The following KANK1 variants were observed in gnomAD, a reference collection of about 807,000 sequenced individuals.
The protein encoded by KANK1 is KN motif and ankyrin repeat domain-containing protein 1.
In KANK1, 109 loss-of-function variants were observed where a neutral mutation model predicts 106.2. The observed-to-expected ratio is 1.03, with a 90% CI of 0.88 to 1.20. KANK1 has a LOEUF of 1.20. KANK1 is among the 50% of genes most tolerant of loss of function. The pLI, the probability that KANK1 is intolerant of heterozygous loss-of-function variation, is 0.00. For missense variants in KANK1, 2,399 were observed against 1,710.7 expected, an observed-to-expected ratio of 1.40 and a Z score of -7.10; for synonymous variants, 873 against 652.2, an observed-to-expected ratio of 1.34 and a Z score of -5.16.
chr9:586,307 T>G (rs1007449872), intron 1 of KANK1, among the ~76,000 whole-genome samples: 1 of 152,202 alleles, frequency 6.6e-6, no homozygotes, highest in Non-Finnish European at 1.5e-5. Context: ...CCAGGCCTAT[T>G]CAAGGTTACA....
At chr9:497,239 C>G (rs1162504214) in intron 3 of KANK1, among the ~76,000 whole-genome samples, 1 of 152,110 alleles carries the variant, frequency 6.6e-6, no homozygotes, top group Non-Finnish European at 1.5e-5. Context: ...AAAGAAGACT[C>G]CTTAAGGGCA....
Position 712,499 on chromosome 9 carries a change from A to G in KANK1, c.1733A>G (p.His578Arg). The G allele has an allele frequency of 1.2e-6, 2 of 1,614,200 alleles. No individual in the cohort carries two copies. Among genetic ancestry groups the G allele is most frequent in the Non-Finnish European group, 1.7e-6 (2 of 1,180,044 alleles). The change falls in exon 3 of 12, where the codon CAT becomes CGT. Residue 578 changes from histidine (H) to arginine (R), a missense_variant. By Grantham distance (29) the His-to-Arg change is conservative. Transcript: ENST00000382297. ...WWIVKERVEM[H>R]DRCAGRSVEM... is the part of the protein sequence containing the mutation. ...ATTGTTAAGGAGAGGGTGGAAATGC[A>G]TGACCGATGTGCTGGGAGGTCTGTG... is the stretch of plus-strand genomic sequence containing the variant.
At chr9:718,902 C>T (rs1042855034) in intron 3 of KANK1, among the ~76,000 whole-genome samples, 1 of 151,004 alleles carries the variant, frequency 6.6e-6, no homozygotes, top group African/African-American at 2.4e-5. Context: ...TCTCTACTGC[C>T]TGTTCCCCAA....
intron 1 of KANK1, among the ~76,000 whole-genome samples, chr9:666,853 T>A (rs910301085): frequency 5.9e-5 from 9 of 151,840 alleles, no homozygotes; most frequent in African/African-American, 1.7e-4. Flanking sequence ...TATTTTTTGT[T>A]GAGGATTTTT....
chr9:490,700 G>T (rs73386743), intron 3 of KANK1, among the ~76,000 whole-genome samples: 2,915 of 152,184 alleles, frequency 0.019, 109 homozygotes, highest in African/African-American at 0.065. Flanking sequence ...GCAAAAATAC[G>T]TTAAGCTCCC....
chr9:546,198 C>T (rs10758683), intron 1 of KANK1, among the ~76,000 whole-genome samples: 40,612 of 151,984 alleles, frequency 0.27, 6,473 homozygotes, highest in East Asian at 0.46. Flanking sequence ...ACCTTCCATG[C>T]GTGGTGGCCT....
intron 1 of KANK1, among the ~76,000 whole-genome samples, chr9:629,195 A>G (rs908814943): frequency 3.9e-5 from 6 of 151,978 alleles, no homozygotes; most frequent in African/African-American, 1.5e-4. Context: ...TTTTGTCATG[A>G]GAGTTGCTCC....
chr9:712,124 A>T lies in KANK1; in HGVS notation c.1358A>T (p.Lys453Ile). The T allele has an allele frequency of 1.2e-6, 2 of 1,614,132 alleles. No individual in the cohort carries two copies. Among genetic ancestry groups the T allele is most frequent in the Non-Finnish European group, 1.7e-6 (2 of 1,180,020 alleles). The change falls in exon 3 of 12, where the codon AAA (lysine) becomes ATA (isoleucine). Residue 453 changes from lysine to isoleucine, a missense_variant. Physicochemically the swap from Lys to Ile is moderately radical, Grantham distance 102. Transcript: ENST00000382297. ...AMLGVMTEAD[K>I]EIELQQQTIE... ...CTTGGAGTGATGACTGAAGCTGACAAAGAAATTGAGCTGCAACAGCAGACC... is the reference window on the plus strand; with the variant it reads ...CTTGGAGTGATGACTGAAGCTGACATAGAAATTGAGCTGCAACAGCAGACC...
At position 526,787 on chromosome 9, in the gene KANK1, G is replaced by C. The variant is rs115219051; in HGVS notation, c.-84+22033G>C. On this transcript the variant is annotated intron_variant, in intron 1 of 11. Transcript: ENST00000382297. Reference sequence around the variant, plus strand: ...CTGCTTTAGATCTGTGAAAATGACTGTATCTTGAGAAAGCATGCTTATCAT... The same window carrying C: ...CTGCTTTAGATCTGTGAAAATGACTCTATCTTGAGAAAGCATGCTTATCAT... 5.5e-3 allele frequency among the ~76,000 whole-genome samples: 835 copies of C among 151,648 alleles called. 43 individuals carry two copies. Among genetic ancestry groups the C allele is most frequent in the African/African-American group, 0.019 (797 of 41,052 alleles).
At chr9:533,214 G>A (rs1159945974) in intron 1 of KANK1, among the ~76,000 whole-genome samples, 2 of 152,132 alleles carry the variant, frequency 1.3e-5, no homozygotes, top group African/African-American at 4.8e-5. Context: ...AACCCCAAGG[G>A]CAATTTGGAG....
intron 2 of KANK1, among the ~76,000 whole-genome samples, chr9:697,699 CAAGTAGA>C (rs1320115177): frequency 1.3e-5 from 2 of 152,132 alleles, no homozygotes; most frequent in Non-Finnish European, 2.9e-5. Flanking sequence ...GATGGACTCA[CAAGTAGA>C]TACCTATTCT....
chr9:601,991 A>G (rs1031259141), intron 1 of KANK1, among the ~76,000 whole-genome samples: 2 of 151,888 alleles, frequency 1.3e-5, no homozygotes, highest in African/African-American at 4.9e-5. Flanking sequence ...ACATGGTTGT[A>G]CCAGGTCTGA....
At chr9:566,365 T>C (rs962588339) in intron 1 of KANK1, among the ~76,000 whole-genome samples, 8 of 152,210 alleles carry the variant, frequency 5.3e-5, no homozygotes, top group African/African-American at 1.9e-4. Context: ...TTTCTTTTGG[T>C]GTACACCCAG....
chr9:506,797 T>A (rs1414270385), intron 1 of KANK1, among the ~76,000 whole-genome samples: 1 of 151,898 alleles, frequency 6.6e-6, no homozygotes, highest in Non-Finnish European at 1.5e-5. Flanking sequence ...AAGGATCTAG[T>A]TGGGGGCAGT....
chr9:542,648 G>A (rs72689615), intron 1 of KANK1, among the ~76,000 whole-genome samples: 9,107 of 152,294 alleles, frequency 0.06, 310 homozygotes, highest in South Asian at 0.084. Context: ...TATGGAGACA[G>A]TGGAAGTGTT....
intron 1 of KANK1, among the ~76,000 whole-genome samples, chr9:655,263 C>G (rs1277120233): frequency 6.6e-6 from 1 of 151,522 alleles, no homozygotes; most frequent in Non-Finnish European, 1.5e-5. Context: ...CCCAGCTACT[C>G]GGGAGGCTGA....
chr9:615,045 A>G (rs921989597), intron 1 of KANK1, among the ~76,000 whole-genome samples: 6 of 151,722 alleles, frequency 4.0e-5, no homozygotes, highest in African/African-American at 1.2e-4. Context: ...GGCCCAAGCA[A>G]TTCTCTTACT....
chr9:557,208 A>G (rs1461469861), intron 1 of KANK1, among the ~76,000 whole-genome samples: 1 of 146,488 alleles, frequency 6.8e-6, no homozygotes, highest in South Asian at 2.3e-4. Context: ...AAAAAAAAAA[A>G]TTTATTCATT....
At chr9:530,505 G>GTCTGTTTCTTGACT (rs929202436) in intron 1 of KANK1, among the ~76,000 whole-genome samples, 1 of 152,028 alleles carries the variant, frequency 6.6e-6, no homozygotes, top group South Asian at 2.1e-4. Context: ...ATGCCTATGT[G>GTCTGTTTCTTGACT]TCTGTTTCTT....
Sources: gnomAD v4.1 joint callset for allele counts (sites outside exome capture counted in the v4.1 genomes callset) on GRCh38, gnomAD v4.1.1 for gene constraint, MANE v1.5 for transcripts, NCBI Gene and HGNC (gene_info 2026-07-23, HGNC 2026-07-21) for gene names.